The following LRRC7 variants were observed in gnomAD, a reference collection of about 807,000 sequenced individuals.
LRRC7 encodes the protein leucine-rich repeat-containing protein 7.
Under a neutral mutation model 175.7 loss-of-function variants are expected in LRRC7, and 23 were observed. The ratio of observed to expected loss-of-function variants is 0.13; its 90% CI spans 0.09 to 0.19. The LOEUF is 0.19. Ranked by LOEUF, LRRC7 falls within the 10% of genes least tolerant of loss-of-function variation. The pLI, the probability that LRRC7 is intolerant of heterozygous loss-of-function variation, is 1.00. For synonymous variants in LRRC7, 685 were observed against 680.9 expected (o/e 1.01, Z -0.09); for missense variants, 1,354 against 1,904.7 (o/e 0.71, Z 5.38).
At chr1:69,680,888 T>C (rs538761120) in intron 2 of LRRC7, among the ~76,000 whole-genome samples, 45 of 152,156 alleles carry the variant, frequency 3.0e-4, no homozygotes, top group Non-Finnish European at 5.6e-4. Context: ...AAGGGAGATA[T>C]TTATATTAAG....
At chr1:69,638,558 C>A (rs1235233152) in intron 1 of LRRC7, among the ~76,000 whole-genome samples, 1 of 151,708 alleles carries the variant, frequency 6.6e-6, no homozygotes, top group Non-Finnish European at 1.5e-5. Flanking sequence ...AGTTTGTAGT[C>A]TGCTTGCAAG....
chr1:69,969,789 T>C (rs1167451828), intron 8 of LRRC7, among the ~76,000 whole-genome samples: 8 of 152,172 alleles, frequency 5.3e-5, no homozygotes, highest in African/African-American at 1.9e-4. Context: ...ACTTAACATA[T>C]ATTTACATGA....
chr1:69,605,312 C>T (rs1647351072), intron 1 of LRRC7, among the ~76,000 whole-genome samples: 1 of 152,132 alleles, frequency 6.6e-6, no homozygotes, highest in African/African-American at 2.4e-5. Flanking sequence ...CCTCTCCAGC[C>T]ACATGAAACT....
chr1:69,998,111 G>A (rs1655178533), intron 11 of LRRC7, among the ~76,000 whole-genome samples: 1 of 152,038 alleles, frequency 6.6e-6, no homozygotes, highest in African/African-American at 2.4e-5. Context: ...TTCTCAAGAG[G>A]GGAAAGCCTT....
intron 8 of LRRC7, among the ~76,000 whole-genome samples, chr1:69,959,182 C>A (rs758550735): frequency 1.1e-4 from 16 of 152,052 alleles, no homozygotes; most frequent in Non-Finnish European, 2.2e-4. Context: ...TTTTCTCCAA[C>A]AAATCTTCGG....
intron 1 of LRRC7, among the ~76,000 whole-genome samples, chr1:69,652,382 T>G (rs1655980786): frequency 1.3e-5 from 2 of 152,118 alleles, no homozygotes; most frequent in Non-Finnish European, 2.9e-5. Flanking sequence ...GAAACTAATC[T>G]TATCTAAAGT....
chr1:69,881,709 C>G (rs1686615557), intron 7 of LRRC7, among the ~76,000 whole-genome samples: 1 of 116,192 alleles, frequency 8.6e-6, no homozygotes, highest in African/African-American at 3.2e-5. Context: ...AGATCCCCAT[C>G]TCTACAAAAA....
At chr1:70,052,706 G>T (rs1050457989) in intron 22 of LRRC7, among the ~76,000 whole-genome samples, 9 of 152,022 alleles carry the variant, frequency 5.9e-5, no homozygotes, top group African/African-American at 1.9e-4. Context: ...TTTAAGTGCT[G>T]TGTTTTTAAT....
chr1:69,805,202 C>G (rs1364339167), intron 4 of LRRC7, among the ~76,000 whole-genome samples: 1 of 151,734 alleles, frequency 6.6e-6, no homozygotes, highest in African/African-American at 2.4e-5. Flanking sequence ...CACCCCTTCC[C>G]TCAAATACAT....
chr1:69,842,087 T>G (rs1335788327), intron 7 of LRRC7, among the ~76,000 whole-genome samples: 1 of 152,046 alleles, frequency 6.6e-6, no homozygotes, highest in African/African-American at 2.4e-5. Flanking sequence ...TTATAACAAC[T>G]AAATAAAATA....
intron 7 of LRRC7, among the ~76,000 whole-genome samples, chr1:69,898,662 A>ACTGCTGCTGCTGCTGCTGCTG (rs35234345): frequency 5.2e-4 from 78 of 150,876 alleles, no homozygotes; most frequent in African/African-American, 1.8e-3. Flanking sequence ...TGCTATCATC[A>ACTGCTGCTGCTGCTGCTGCTG]CTGCTGCTGC....
chr1:69,756,489 G>A (rs904095988), intron 2 of LRRC7, among the ~76,000 whole-genome samples: 6 of 151,314 alleles, frequency 4.0e-5, no homozygotes, highest in Non-Finnish European at 8.9e-5. Context: ...TCAAGAGTGA[G>A]GAAAAATAAA....
chr1:69,650,554 A>AG (rs3980952), intron 1 of LRRC7, among the ~76,000 whole-genome samples: 1 of 150,950 alleles, frequency 6.6e-6, no homozygotes, highest in African/African-American at 2.4e-5. Flanking sequence ...AAAAAAAAAA[A>AG]TGCCAAGCAT....
chr1:69,643,062 T>C (rs559070407), intron 1 of LRRC7, among the ~76,000 whole-genome samples: 1 of 152,162 alleles, frequency 6.6e-6, no homozygotes, highest in South Asian at 2.1e-4. Context: ...GCCAGTGGTG[T>C]AAGTCCTGAA....
In LRRC7 at chr1:69,995,471, T is replaced by C. The variant is rs534142270; in HGVS notation, c.1004+838T>C. ...ACAATGTGCAGGTTAGTTACATATGTATACATGTGCCATGCTGGTGCGCTG... is the reference window on the plus strand; with the variant it reads ...ACAATGTGCAGGTTAGTTACATATGCATACATGTGCCATGCTGGTGCGCTG... On this transcript the variant is annotated intron_variant, in intron 11 of 26. Coordinates refer to ENST00000651989, the MANE Select transcript of LRRC7 (RefSeq NM_001370785.2). 9.8e-4 allele frequency among the ~76,000 whole-genome samples: 149 copies of C among 152,142 alleles called. 4 individuals are homozygous for C. Among genetic ancestry groups the C allele is most frequent in the African/African-American group, 3.3e-3 (136 of 41,512 alleles).
chr1:69,816,127 GC>G (rs1327298824), intron 4 of LRRC7, among the ~76,000 whole-genome samples: 1 of 151,878 alleles, frequency 6.6e-6, no homozygotes, highest in Non-Finnish European at 1.5e-5. Context: ...AGAGGTGCCC[GC>G]CCTCACACCC....
chr1:69,890,284 C>T lies in LRRC7; in HGVS notation c.648-41223C>T, dbSNP rs1006025519. ...AACAGCAGAATGGATGTTGTATTCA[C>T]AGGCATAAAAACAACACTAATCTTG... is the stretch of plus-strand genomic sequence containing the variant. On this transcript the variant is annotated intron_variant, in intron 7 of 26. Transcript: ENST00000651989. Among the ~76,000 whole-genome samples the T allele has an allele frequency of 3.9e-5, 6 of 152,250 alleles. No homozygotes were observed. In the South Asian group the frequency reaches 6.2e-4, roughly 16 times the overall value.
intron 7 of LRRC7, chr1:69,874,687 C>T (rs1052020297): frequency 6.6e-6 from 1 of 151,886 alleles, no homozygotes; most frequent in Admixed American, 6.6e-5. Flanking sequence ...TATTTCTATT[C>T]TGTTTTATGA....
At chr1:69,982,414 G>T (rs192969049) in intron 9 of LRRC7, among the ~76,000 whole-genome samples, 2 of 152,256 alleles carry the variant, frequency 1.3e-5, no homozygotes, top group East Asian at 3.9e-4. Flanking sequence ...GCTTTGAATG[G>T]TTCATCTTGA....
Sources: gnomAD v4.1 joint callset for allele counts (sites outside exome capture counted in the v4.1 genomes callset) on GRCh38, gnomAD v4.1.1 for gene constraint, MANE v1.5 for transcripts, NCBI Gene and HGNC (gene_info 2026-07-23, HGNC 2026-07-21) for gene names.